Variants in CAMTA1 observed in about 807,000 individuals in gnomAD.
CAMTA1 encodes the protein calmodulin binding transcription activator 1, also known as calmodulin-binding transcription activator 1.
A neutral mutation model predicts 170.9 loss-of-function variants in CAMTA1; 27 were observed. That is an observed-to-expected ratio of 0.16 (90% confidence interval 0.12 to 0.22). The LOEUF is 0.22. CAMTA1 is among the 10% of genes least tolerant of loss of function. The pLI, the probability that CAMTA1 is intolerant of heterozygous loss-of-function variation, is 1.00. For missense variants in CAMTA1, 1,619 were observed against 2,217.2 expected (o/e 0.73, Z 5.42); for synonymous variants, 833 against 891.5 (o/e 0.93, Z 1.17).
chr1:7,264,521 C>T (rs893542782), intron 5 of CAMTA1, among the ~76,000 whole-genome samples: 2 of 147,066 alleles, frequency 1.4e-5, no homozygotes, highest in Non-Finnish European at 3.0e-5. Context: ...GTAGAGCACT[C>T]GGTGATTCTG....
In CAMTA1 at chr1:7,736,919, T is replaced by A; in HGVS notation, c.3264-12T>A. On this transcript the variant is annotated splice_polypyrimidine_tract_variant and intron_variant, in intron 13 of 22. Coordinates refer to ENST00000303635, the MANE Select transcript of CAMTA1 (RefSeq NM_015215.4). The surrounding 1 kb of genome is among the most constrained non-coding windows in gnomAD (Gnocchi z 4.5). ...TGAATAGTGTGGTAATTTCTGGTGC[T>A]CTCCCTTATAGTACAAAGCACGCGG... The A allele has an allele frequency of 6.2e-7, 1 of 1,607,392 alleles. No homozygotes were observed.
chr1:7,015,335 G>A (rs537452142), intron 3 of CAMTA1, among the ~76,000 whole-genome samples: 1 of 152,192 alleles, frequency 6.6e-6, no homozygotes, highest in Non-Finnish European at 1.5e-5. Context: ...AGTGTCTGTG[G>A]CATGTTCCCA....
intron 4 of CAMTA1, among the ~76,000 whole-genome samples, chr1:7,138,653 G>A (rs1645686955): frequency 6.6e-6 from 1 of 152,086 alleles, no homozygotes; most frequent in Non-Finnish European, 1.5e-5. Context: ...TTTAAAAACT[G>A]GTATCTTGTT....
At chr1:7,605,992 C>T (rs988791840) in intron 6 of CAMTA1, among the ~76,000 whole-genome samples, 9 of 152,220 alleles carry the variant, frequency 5.9e-5, no homozygotes, top group South Asian at 2.1e-4. Context: ...TCCCTGCCCT[C>T]CTGCCCTCGG....
rs930346790 is a variant in CAMTA1 at position 7,131,969 on chromosome 1, C to T, written c.302+40598C>T. ...ACTCAGGAGACTGAGGCAGGAGAAT[C>T]GCCTGAACCTGGGAGGGAGGTTGCA... On this transcript the variant is annotated intron_variant, in intron 4 of 22. Transcript: ENST00000303635. Among the ~76,000 whole-genome samples, 7 of 152,042 alleles carry T rather than the reference C, an allele frequency of 4.6e-5. No individual in the cohort carries two copies. The East Asian group carries it at 1.2e-3, about 25-fold the overall frequency.
At chr1:7,137,700 C>T (rs1009921485) in intron 4 of CAMTA1, among the ~76,000 whole-genome samples, 1 of 152,182 alleles carries the variant, frequency 6.6e-6, no homozygotes, top group African/African-American at 2.4e-5. Flanking sequence ...ACTTGGTATG[C>T]CCTTTCCCCT....
At chr1:7,503,339 A>G (rs1434741555) in intron 6 of CAMTA1, among the ~76,000 whole-genome samples, 1 of 152,186 alleles carries the variant, frequency 6.6e-6, no homozygotes, top group African/African-American at 2.4e-5. Context: ...GGTGTGCTTC[A>G]GAAGGTGTGC....
chr1:6,821,293 G>C (rs1457384533), intron 2 of CAMTA1, among the ~76,000 whole-genome samples: 2 of 152,164 alleles, frequency 1.3e-5, no homozygotes, highest in African/African-American at 4.8e-5. Flanking sequence ...GGCACATAGT[G>C]CTTAATTAAT....
At chr1:6,961,023 G>A (rs1690308416) in intron 3 of CAMTA1, among the ~76,000 whole-genome samples, 1 of 152,166 alleles carries the variant, frequency 6.6e-6, no homozygotes, top group Non-Finnish European at 1.5e-5. Flanking sequence ...TTAAACCCAG[G>A]CAGCCTGGAG....
chr1:7,682,775 G>A lies in CAMTA1; in HGVS notation c.2914+5042G>A, dbSNP rs748864592. ...TCTGCTGAGTGGGCCTGGGCCGGCC[G>A]CTCCTAGGCTGGCTCCCTCCCTCAG... On this transcript the variant is annotated intron_variant, in intron 11 of 22. Coordinates refer to ENST00000303635, the MANE Select transcript of CAMTA1 (RefSeq NM_015215.4). The surrounding 1 kb of genome is among the most constrained non-coding windows in gnomAD (Gnocchi z 5.0). 6.6e-6 allele frequency among the ~76,000 whole-genome samples: 1 copy of A among 152,204 alleles called. No homozygotes were observed. The highest frequency in any genetic ancestry group is 1.5e-5 in the Non-Finnish European group (1 of 68,026).
At chr1:7,266,086 T>C (rs1668876969) in intron 5 of CAMTA1, among the ~76,000 whole-genome samples, 1 of 152,222 alleles carries the variant, frequency 6.6e-6, no homozygotes, top group Non-Finnish European at 1.5e-5. Flanking sequence ...TCCCAGGTTG[T>C]TTCAAAGTGG....
At chr1:7,126,905 G>A (rs1179354306) in intron 4 of CAMTA1, among the ~76,000 whole-genome samples, 1 of 152,108 alleles carries the variant, frequency 6.6e-6, no homozygotes, top group Non-Finnish European at 1.5e-5. Context: ...CGAGTAACTG[G>A]GACTACAGGC....
intron 16 of CAMTA1, among the ~76,000 whole-genome samples, chr1:7,744,437 C>G (rs1350203506): frequency 6.6e-6 from 1 of 152,106 alleles, no homozygotes; most frequent in African/African-American, 2.4e-5. Flanking sequence ...CAGCCTAGAC[C>G]GGGGTTCTCT....
chr1:7,072,355 G>A (rs144053218), intron 3 of CAMTA1, among the ~76,000 whole-genome samples: 22 of 152,230 alleles, frequency 1.4e-4, no homozygotes, highest in Non-Finnish European at 2.5e-4. Context: ...CCGGAGGCAC[G>A]CATCCCAAAT....
intron 5 of CAMTA1, among the ~76,000 whole-genome samples, chr1:7,308,497 T>C (rs1353245502): frequency 6.6e-6 from 1 of 152,120 alleles, no homozygotes; most frequent in Non-Finnish European, 1.5e-5. Flanking sequence ...AGATGAATTT[T>C]CCTCTAAACA....
At chr1:7,451,289 C>T (rs979153338) in intron 5 of CAMTA1, among the ~76,000 whole-genome samples, 24 of 152,256 alleles carry the variant, frequency 1.6e-4, no homozygotes, top group African/African-American at 5.8e-4. Flanking sequence ...TTCCAGGGCT[C>T]CAGATCAGTG....
chr1:7,192,179 G>C (rs1330964629), intron 4 of CAMTA1, among the ~76,000 whole-genome samples: 1 of 152,206 alleles, frequency 6.6e-6, no homozygotes, highest in African/African-American at 2.4e-5. Flanking sequence ...TGGGACTCCA[G>C]GATCAGGTCT....
rs1023530728 is a variant in CAMTA1 at position 7,526,250 on chromosome 1, G to A, written c.510+58349G>A. Among the ~76,000 whole-genome samples the A allele has an allele frequency of 3.9e-5, 6 of 152,050 alleles. No homozygotes were observed. The South Asian group carries it at 1.2e-3, about 32-fold the overall frequency. ...GAGATGGCACTTTCCCACCCCAGGGGCTCCAGGGGCTCTGGAGGCTGGAGT... is the reference window on the plus strand; with the variant it reads ...GAGATGGCACTTTCCCACCCCAGGGACTCCAGGGGCTCTGGAGGCTGGAGT... On this transcript the variant is annotated intron_variant, in intron 6 of 22. Transcript: ENST00000303635.
intron 3 of CAMTA1, among the ~76,000 whole-genome samples, chr1:6,983,441 A>C (rs751948260): frequency 5.9e-5 from 9 of 152,164 alleles, no homozygotes; most frequent in Non-Finnish European, 1.3e-4. Flanking sequence ...GTCTCAGTTT[A>C]AATCTCAACC....
Sources: allele counts gnomAD v4.1 joint callset (sites outside exome capture counted in the v4.1 genomes callset), GRCh38; gene constraint gnomAD v4.1.1; non-coding constraint Gnocchi (gnomAD v3.1); transcripts MANE v1.5; gene names NCBI Gene and HGNC (gene_info 2026-07-23, HGNC 2026-07-21).